GLMN: variants seen among roughly 807,000 people sequenced by gnomAD.
GLMN encodes glomulin, FKBP associated protein, also known as glomulin.
In GLMN, 75 loss-of-function variants were observed where a neutral mutation model predicts 87.8. The ratio of observed to expected loss-of-function variants is 0.85; its 90% CI spans 0.71 to 1.04. GLMN has a LOEUF of 1.04. GLMN is among the 50% of genes least tolerant of loss of function. GLMN has a pLI of 0.00. For synonymous variants in GLMN, 206 were observed against 221.6 expected (o/e 0.93, Z 0.63); for missense variants, 588 against 658.8 (o/e 0.89, Z 1.18).
At chr1:92,263,826 C>A in intron 14 of GLMN, 94 bp from the exon 15 acceptor site, 1 of 772,934 alleles carries the variant, frequency 1.3e-6, no homozygotes, top group Non-Finnish European at 2.4e-6. Flanking sequence ...AAGAATTGCA[C>A]ATTTAAAATA....
chr1:92,270,005 G>A (rs1009942948), intron 8 of GLMN, among the ~76,000 whole-genome samples: 1 of 152,132 alleles, frequency 6.6e-6, no homozygotes, highest in Non-Finnish European at 1.5e-5. Context: ...TTGTCCTTAT[G>A]TAAAAGGAAA....
intron 12 of GLMN, 79 bp from the exon 13 acceptor site, chr1:92,266,571 T>TG (rs1655660124): frequency 9.9e-7 from 1 of 1,009,822 alleles, no homozygotes; most frequent in Non-Finnish European, 1.5e-6. Flanking sequence ...TTTATGCATG[T>TG]AATACATCCA....
At chr1:92,302,251 T>A (rs147508115), upstream of GLMN, among the ~76,000 whole-genome samples, 900 of 150,720 alleles carry the variant, frequency 6.0e-3, 9 homozygotes, top group African/African-American at 0.019. Flanking sequence ...CACTCCAGTC[T>A]GGGCAACAAG....
the GLMN span, among the ~76,000 whole-genome samples, chr1:92,322,655 A>G: frequency 6.6e-6 from 1 of 152,000 alleles, no homozygotes. Context: ...TGGGCAAATC[A>G]CTTGAGGCCA....
chr1:92,289,947 T>C (rs933151804), intron 5 of GLMN, among the ~76,000 whole-genome samples: 1 of 152,212 alleles, frequency 6.6e-6, no homozygotes, highest in Admixed American at 6.5e-5. Flanking sequence ...CAAAAAGGTA[T>C]AGTTTTCAAT....
At chr1:92,328,501 G>GT in the GLMN span, among the ~76,000 whole-genome samples, 1 of 152,088 alleles carries the variant, frequency 6.6e-6, no homozygotes, top group South Asian at 2.1e-4. Flanking sequence ...AGTTGTGATA[G>GT]TTTTTTATTT....
upstream of GLMN, among the ~76,000 whole-genome samples, chr1:92,302,193 C>T (rs1650899518): frequency 6.6e-6 from 1 of 152,104 alleles, no homozygotes; most frequent in Admixed American, 6.6e-5. Context: ...ATGAGAATCA[C>T]TTGAACTCAG....
Position 92,266,599 on chromosome 1 carries a change from TA to T in GLMN, c.1140+100del, listed in dbSNP as rs754877795. On this transcript the variant is annotated intron_variant, in intron 12 of 18. Coordinates refer to ENST00000370360, the MANE Select transcript of GLMN (RefSeq NM_053274.3). ...TACATCCACACTTGTACCTCCTAAA[TA>T]AAAATTTCACAAATTAAAATTTTTA... The T allele has an allele frequency of 1.5e-5, 17 of 1,126,154 alleles. No individual in the cohort carries two copies. The South Asian group carries it at 2.0e-4, about 13-fold the overall frequency. The allele number at this position is 1,126,154 out of a possible 1,614,324, so 69.8% of individuals were successfully genotyped here. A position where few individuals can be genotyped will look rare whatever the true frequency, so the allele number is the denominator to read the frequency against.
the GLMN span, among the ~76,000 whole-genome samples, chr1:92,326,617 T>G: frequency 2.0e-5 from 3 of 152,120 alleles, no homozygotes; most frequent in Non-Finnish European, 4.4e-5. Flanking sequence ...CAAGACTCCT[T>G]GGGCAGGGCT....
At chr1:92,351,553 T>C in the GLMN span, among the ~76,000 whole-genome samples, 3 of 152,182 alleles carry the variant, frequency 2.0e-5, no homozygotes, top group African/African-American at 7.2e-5. Context: ...GCTCAGCTTC[T>C]GTCCCATTTA....
intron 15 of GLMN, among the ~76,000 whole-genome samples, 196 bp from the exon 16 acceptor site, chr1:92,263,122 C>A (rs1054853867): frequency 1.3e-5 from 2 of 152,112 alleles, no homozygotes; most frequent in African/African-American, 4.8e-5. Flanking sequence ...AAATTATCAT[C>A]CTTGTTTAAA....
chr1:92,312,964 C>G, the GLMN span, among the ~76,000 whole-genome samples: 1 of 152,154 alleles, frequency 6.6e-6, no homozygotes, highest in Non-Finnish European at 1.5e-5. Flanking sequence ...CTCCCAGGCT[C>G]AAGCGATTCT....
chr1:92,346,017 A>C, the GLMN span: 1 of 749,394 alleles, frequency 1.3e-6, no homozygotes, highest in Non-Finnish European at 2.2e-6. Flanking sequence ...CTTGGAAAAT[A>C]TCATACCTCT....
chr1:92,262,552 A>G (rs1472856844), intron 16 of GLMN, among the ~76,000 whole-genome samples: 1 of 152,234 alleles, frequency 6.6e-6, no homozygotes, highest in Non-Finnish European at 1.5e-5. Flanking sequence ...AAACTGAACA[A>G]GACACCATAT....
upstream of GLMN, among the ~76,000 whole-genome samples, chr1:92,301,103 G>C (rs904639241): frequency 1.3e-5 from 2 of 152,152 alleles, no homozygotes; most frequent in African/African-American, 2.4e-5. Context: ...ACCATACAAA[G>C]AGTATATAAA....
chr1:92,325,085 C>A, the GLMN span, among the ~76,000 whole-genome samples: 1 of 151,952 alleles, frequency 6.6e-6, no homozygotes, highest in African/African-American at 2.4e-5. Context: ...GTAAATAGTA[C>A]CCATATGTAG....
the GLMN span, among the ~76,000 whole-genome samples, chr1:92,353,963 C>T: frequency 6.6e-6 from 1 of 151,980 alleles, no homozygotes; most frequent in East Asian, 1.9e-4. Context: ...TAATGCTACT[C>T]TTTTTTTTAT....
chr1:92,267,527 C>T (rs2100900532), intron 11 of GLMN, among the ~76,000 whole-genome samples: 1 of 152,064 alleles, frequency 6.6e-6, no homozygotes, highest in Admixed American at 6.5e-5. Flanking sequence ...CACAGTGAAA[C>T]TCCGTCTCTA....
the GLMN span, among the ~76,000 whole-genome samples, chr1:92,351,455 C>T: frequency 6.6e-6 from 1 of 151,862 alleles, no homozygotes; most frequent in African/African-American, 2.4e-5. Flanking sequence ...AGTAAAGAAT[C>T]ACTTTTAATC....
Sources: gnomAD v4.1 joint callset for allele counts (sites outside exome capture counted in the v4.1 genomes callset) on GRCh38, gnomAD v4.1.1 for gene constraint, MANE v1.5 for transcripts, NCBI Gene and HGNC (gene_info 2026-07-23, HGNC 2026-07-21) for gene names.